IMMT: variants seen among roughly 807,000 people sequenced by gnomAD.
The protein encoded by IMMT is MICOS complex subunit MIC60.
Under a neutral mutation model 92.7 loss-of-function variants are expected in IMMT, and 40 were observed. The ratio of observed to expected loss-of-function variants is 0.43; its 90% CI spans 0.34 to 0.56. The LOEUF is 0.56. Ranked by LOEUF, IMMT falls within the 20% of genes least tolerant of loss-of-function variation. IMMT has a pLI of 0.03. For missense variants in IMMT, 831 were observed against 912.1 expected (o/e 0.91, Z 1.14); for synonymous variants, 322 against 336.1 (o/e 0.96, Z 0.46).
At chr2:86,189,696 G>A (rs998539476) in intron 1 of IMMT, among the ~76,000 whole-genome samples, 7 of 152,104 alleles carry the variant, frequency 4.6e-5, no homozygotes, top group Admixed American at 2.0e-4. Context: ...CATACATAAG[G>A]ACTCCTCCCA....
intron 6 of IMMT, among the ~76,000 whole-genome samples, chr2:86,168,459 C>A (rs931416001): frequency 2.0e-5 from 3 of 152,064 alleles, no homozygotes; most frequent in Non-Finnish European, 2.9e-5. Flanking sequence ...CCCGTCTCTA[C>A]TAAAAATACA....
Position 86,144,649 on chromosome 2 carries a change from T to C in IMMT, c.1896A>G (p.Arg632=), listed in dbSNP as rs1674856673. 10 of 1,613,854 alleles carry C rather than the reference T, an allele frequency of 6.2e-6. No individual in the cohort carries two copies. The highest frequency in any genetic ancestry group is 6.8e-6 in the Non-Finnish European group (8 of 1,179,898). The change falls in exon 15 of 15, where the codon AGA becomes AGG. Residue 632 remains arginine (R), a synonymous_variant. Coordinates refer to ENST00000410111, the MANE Select transcript of IMMT (RefSeq NM_006839.3). ...GTTTTTGAACAGCATAGAAACGGGC[T>C]CTAAGGGTCTCTTCACTGTACACCC... is the stretch of plus-strand genomic sequence containing the variant. ...TRGVYSEETL[R]ARFYAVQKLA... is the part of the protein sequence containing the mutation.
intron 3 of IMMT, among the ~76,000 whole-genome samples, chr2:86,177,851 T>C (rs1414702132): frequency 2.0e-5 from 3 of 152,172 alleles, no homozygotes; most frequent in East Asian, 3.9e-4. Flanking sequence ...GGATAATATA[T>C]AGATGTCCCC....
Position 86,181,226 on chromosome 2 carries a change from T to C in IMMT, c.119+73A>G. 4 of 1,119,332 alleles carry C rather than the reference T, an allele frequency of 3.6e-6. No individual in the cohort carries two copies. The South Asian group carries it at 3.8e-5, about 11-fold the overall frequency. The allele number at this position is 1,119,332 out of a possible 1,614,324, so 69.3% of individuals were successfully genotyped here. A position where few individuals can be genotyped will look rare whatever the true frequency, so the allele number is the denominator to read the frequency against. On this transcript the variant is annotated intron_variant, in intron 2 of 14. Coordinates refer to ENST00000410111, the MANE Select transcript of IMMT (RefSeq NM_006839.3). ...AAAAAGGTTTAGACAGCTATTCCCA[T>C]ATTCAAGGAAAACACACACTCCCTA...
At chr2:86,189,357 C>A (rs932192202) in intron 1 of IMMT, among the ~76,000 whole-genome samples, 1 of 152,062 alleles carries the variant, frequency 6.6e-6, no homozygotes, top group Non-Finnish European at 1.5e-5. Flanking sequence ...GCCTCAGCCT[C>A]CCGGGCAGCT....
intron 1 of IMMT, among the ~76,000 whole-genome samples, chr2:86,190,511 C>T (rs1673050199): frequency 1.3e-5 from 2 of 152,192 alleles, no homozygotes; most frequent in Admixed American, 1.3e-4. Context: ...GTCCTCCAAA[C>T]TCAATGACCA....
intron 9 of IMMT, 194 bp downstream of exon 9, chr2:86,159,342 G>A: frequency 1.5e-6 from 1 of 651,030 alleles, no homozygotes; most frequent in Non-Finnish European, 2.8e-6. Flanking sequence ...ACCTCGGCCT[G>A]CCAAAGTGCT....
At chr2:86,165,311 G>A (rs543348629) in intron 7 of IMMT, among the ~76,000 whole-genome samples, 37 of 152,056 alleles carry the variant, frequency 2.4e-4, no homozygotes, top group Non-Finnish European at 4.7e-4. Context: ...TTCCCATATC[G>A]GTAACCAGCA....
At chr2:86,181,431 G>A in intron 1 of IMMT, 59 bp from the exon 2 acceptor site, 1 of 1,165,474 alleles carries the variant, frequency 8.6e-7, no homozygotes, top group Non-Finnish European at 1.3e-6. Context: ...AAGCTTTTAG[G>A]GTTGGTAATA....
chr2:86,171,558 A>G lies in IMMT; in HGVS notation c.422-213T>C, dbSNP rs1677084584. ...AATGGACAATGGTTGGGAACGAACA[A>G]AAGAAAGAAGTCTTGTCTGCATCCA... On this transcript the variant is annotated intron_variant, in intron 4 of 14. Coordinates refer to ENST00000410111, the MANE Select transcript of IMMT (RefSeq NM_006839.3). 8 of 522,672 alleles carry G rather than the reference A, an allele frequency of 1.5e-5. No homozygotes were observed. In the South Asian group the frequency reaches 1.9e-4, roughly 13 times the overall value. The allele number at this position is 522,672 out of a possible 1,614,324, so 32.4% of individuals were successfully genotyped here.
intron 7 of IMMT, among the ~76,000 whole-genome samples, chr2:86,164,074 T>TTTA (rs869251997): frequency 8.6e-6 from 1 of 116,270 alleles, no homozygotes; most frequent in African/African-American, 2.9e-5. Flanking sequence ...TTTTTTTTTT[T>TTTA]GAGATGGAGT....
At chr2:86,176,111 T>A (rs932423824) in intron 3 of IMMT, among the ~76,000 whole-genome samples, 8 of 152,166 alleles carry the variant, frequency 5.3e-5, no homozygotes, top group African/African-American at 1.9e-4. Flanking sequence ...GGGTATTGAA[T>A]GTCAACTTAA....
chr2:86,170,845 C>G lies in IMMT; in HGVS notation c.560-1G>C. 6 of 1,569,012 alleles carry G rather than the reference C, an allele frequency of 3.8e-6. No individual in the cohort carries two copies. The highest frequency in any genetic ancestry group is 5.2e-6 in the Non-Finnish European group (6 of 1,154,388). ...CTTATAGAAGATGAGGATGCTTCTT[C>G]TTGCAGCAAAAGTAAATAAGAGGAA... On this transcript the variant is annotated splice_acceptor_variant, in intron 5 of 14. Transcript: ENST00000410111. LOFTEE classifies it high-confidence loss of function.
Position 86,143,942 on chromosome 2 carries a change from T to A in IMMT, c.*326A>T, listed in dbSNP as rs778971370. 13 of 379,790 alleles carry A rather than the reference T, an allele frequency of 3.4e-5. No homozygotes were observed. The highest frequency in any genetic ancestry group is 6.4e-5 in the Non-Finnish European group (13 of 204,436). The allele number at this position is 379,790 out of a possible 1,614,324, so 23.5% of individuals were successfully genotyped here. ...AAAGGGATAAGATACTCAGTTTTCA[T>A]CTTGTTGCTTTATTCAGTTTGCTCC... On this transcript the variant is annotated 3_prime_UTR_variant, in exon 15 of 15. Transcript: ENST00000410111.
chr2:86,162,074 T>A lies in IMMT; in HGVS notation c.798A>T (p.Ala266=). ...LKAAMDNSEI[A]GEKKSAQWRT... Reference sequence around the variant, plus strand: ...GCCACTGAGCAGATTTCTTCTCGCCTGCAATCTAAACAAAAAATTTTAATT... The same window carrying A: ...GCCACTGAGCAGATTTCTTCTCGCCAGCAATCTAAACAAAAAATTTTAATT... The change falls in exon 8 of 15, where the codon GCA becomes GCT. Residue 266 remains alanine (A), a synonymous_variant. Transcript: ENST00000410111. 6.4e-7 allele frequency: 1 copy of A among 1,574,534 alleles called. No homozygotes were observed.
chr2:86,149,879 CAAAAA>C (rs548731236), intron 12 of IMMT, among the ~76,000 whole-genome samples: 1 of 121,384 alleles, frequency 8.2e-6, no homozygotes. Context: ...GACTCTGTCT[CAAAAA>C]AAAAAAAAAA....
intron 11 of IMMT, among the ~76,000 whole-genome samples, chr2:86,152,014 A>G (rs1183083274): frequency 6.6e-6 from 1 of 152,208 alleles, no homozygotes; most frequent in Non-Finnish European, 1.5e-5. Flanking sequence ...CAACACAGCA[A>G]CCAGAGCTGT....
chr2:86,191,966 T>G (rs1469124905), intron 1 of IMMT, among the ~76,000 whole-genome samples: 1 of 152,038 alleles, frequency 6.6e-6, no homozygotes, highest in Non-Finnish European at 1.5e-5. Flanking sequence ...GCACTATGGC[T>G]CACGCCTGTA....
In IMMT at chr2:86,170,819, C is replaced by T; in HGVS notation, c.585G>A (p.Arg195=). 1 of 1,585,708 alleles carries T rather than the reference C, an allele frequency of 6.3e-7. No homozygotes were observed. The highest frequency in any genetic ancestry group is 1.2e-5 in the South Asian group (1 of 86,944). Residue 195 remains arginine, a synonymous_variant, in exon 6 of 15, where the codon AGG becomes AGA. Coordinates refer to ENST00000410111, the MANE Select transcript of IMMT (RefSeq NM_006839.3). ...LSEEASSSSI[R]ERPPEEVAAR... ...CTGCAACTTCTTCAGGTGGTCGCTCCCTTATAGAAGATGAGGATGCTTCTT... is the reference window on the plus strand; with the variant it reads ...CTGCAACTTCTTCAGGTGGTCGCTCTCTTATAGAAGATGAGGATGCTTCTT...
Sources: gnomAD v4.1 joint callset for allele counts (sites outside exome capture counted in the v4.1 genomes callset) on GRCh38, gnomAD v4.1.1 for gene constraint, MANE v1.5 for transcripts, NCBI Gene and HGNC (gene_info 2026-07-23, HGNC 2026-07-21) for gene names.